The following ZC3H12B variants were observed in gnomAD, a reference collection of about 807,000 sequenced individuals.
ZC3H12B encodes the protein zinc finger CCCH-type containing 12B, also known as probable ribonuclease ZC3H12B.
In ZC3H12B, 7 loss-of-function variants were observed where a neutral mutation model predicts 43.9. The ratio of observed to expected loss-of-function variants is 0.16; its 90% confidence interval spans 0.09 to 0.30. ZC3H12B has a LOEUF of 0.30. ZC3H12B is among the 10% of genes least tolerant of loss of function. The pLI, the probability that ZC3H12B is intolerant of heterozygous loss-of-function variation, is 1.00. For missense variants in ZC3H12B, 475 were observed against 670.2 expected, an observed-to-expected ratio of 0.71 and a Z score of 3.22; for synonymous variants, 222 against 241.7, an observed-to-expected ratio of 0.92 and a Z score of 0.76.
chrX:65,071,353 T>C, the ZC3H12B span, among the ~76,000 whole-genome samples: 7 of 107,633 alleles, frequency 6.5e-5, no homozygotes, highest in Admixed American at 6.9e-4. Context: ...ATTGGTGTCA[T>C]TGTATGGAAG....
the ZC3H12B span, among the ~76,000 whole-genome samples, chrX:65,216,016 C>A: frequency 9.0e-6 from 1 of 111,180 alleles, no homozygotes; most frequent in East Asian, 2.8e-4. Flanking sequence ...TTTGTAGCAC[C>A]CATATAATTG....
At chrX:65,232,264 C>T in the ZC3H12B span, among the ~76,000 whole-genome samples, 2 of 110,135 alleles carry the variant, frequency 1.8e-5, no homozygotes, top group African/African-American at 6.6e-5. Flanking sequence ...AATAAAATAA[C>T]GTAGGACAGG....
the ZC3H12B span, among the ~76,000 whole-genome samples, chrX:65,336,451 A>C: frequency 1.8e-5 from 2 of 109,976 alleles, no homozygotes; most frequent in African/African-American, 6.6e-5. Context: ...AACATTTTCC[A>C]CTCCAGCCAG....
chrX:65,087,123 G>A, the ZC3H12B span, among the ~76,000 whole-genome samples: 2 of 110,325 alleles, frequency 1.8e-5, no homozygotes, highest in Non-Finnish European at 3.8e-5. Context: ...ATTTAGCTCC[G>A]ATACCCACAA....
the ZC3H12B span, among the ~76,000 whole-genome samples, chrX:65,058,480 G>C: frequency 1.8e-5 from 2 of 112,273 alleles, no homozygotes; most frequent in African/African-American, 3.2e-5. Flanking sequence ...GTGTCAGTCT[G>C]CCTGTACTCG....
At chrX:65,435,699 T>C (rs866591211) in intron 3 of ZC3H12B, among the ~76,000 whole-genome samples, 3 of 105,142 alleles carry the variant, frequency 2.9e-5, no homozygotes, top group African/African-American at 1.0e-4. Flanking sequence ...GATAGATAGA[T>C]AGACAGTCAG....
chrX:65,057,422 C>T, the ZC3H12B span, among the ~76,000 whole-genome samples: 1 of 112,038 alleles, frequency 8.9e-6, no homozygotes, highest in South Asian at 3.7e-4. Flanking sequence ...CCACTCTCTT[C>T]TGGCTTGTAG....
the ZC3H12B span, among the ~76,000 whole-genome samples, chrX:65,274,821 T>C: frequency 9.0e-6 from 1 of 110,935 alleles, no homozygotes; most frequent in Middle Eastern, 4.2e-3. Context: ...TTGCAGGAAG[T>C]CCCCCAGTCT....
At chrX:65,150,572 A>G in the ZC3H12B span, among the ~76,000 whole-genome samples, 1 of 109,645 alleles carries the variant, frequency 9.1e-6, no homozygotes, top group African/African-American at 3.3e-5. Context: ...CCCACTTATG[A>G]GTGAGAACAT....
intron 3 of ZC3H12B, among the ~76,000 whole-genome samples, chrX:65,409,431 G>A (rs575308718): frequency 5.4e-5 from 6 of 111,292 alleles, no homozygotes; most frequent in South Asian, 3.7e-4. Context: ...ACATAGTAGC[G>A]GAAGTCCTAG....
At chrX:65,431,660 T>A (rs1417171858) in intron 3 of ZC3H12B, among the ~76,000 whole-genome samples, 3 of 112,553 alleles carry the variant, frequency 2.7e-5, no homozygotes, top group African/African-American at 9.7e-5. Flanking sequence ...GGGCCACATC[T>A]TCACATTCTT....
At chrX:65,416,114 C>G (rs188987948) in intron 3 of ZC3H12B, among the ~76,000 whole-genome samples, 1 of 111,823 alleles carries the variant, frequency 8.9e-6, no homozygotes, top group South Asian at 3.7e-4. Context: ...AATTAACACC[C>G]ATGACCACAC....
the ZC3H12B span, among the ~76,000 whole-genome samples, chrX:65,266,635 T>A: frequency 9.0e-6 from 1 of 111,528 alleles, no homozygotes. Context: ...ACACCTTAGA[T>A]TAGTAGTGGC....
At chrX:65,174,638 G>C in the ZC3H12B span, among the ~76,000 whole-genome samples, 1 of 111,753 alleles carries the variant, frequency 8.9e-6, no homozygotes, top group Non-Finnish European at 1.9e-5. Context: ...GGTGAGTTCT[G>C]CCCAATCTGA....
chrX:65,104,530 A>G, the ZC3H12B span, among the ~76,000 whole-genome samples: 8 of 112,116 alleles, frequency 7.1e-5, no homozygotes. Flanking sequence ...AAGGTTTGAT[A>G]TCCAAAATCT....
chrX:65,043,290 T>C, the ZC3H12B span, among the ~76,000 whole-genome samples: 1 of 110,747 alleles, frequency 9.0e-6, no homozygotes, highest in Non-Finnish European at 1.9e-5. Context: ...GACACATGTA[T>C]GTTTCTTAAA....
chrX:65,217,554 C>T, the ZC3H12B span, among the ~76,000 whole-genome samples: 6 of 112,075 alleles, frequency 5.4e-5, no homozygotes, highest in Non-Finnish European at 9.4e-5. Flanking sequence ...GCTTGACAAA[C>T]ATCAAGATAA....
intron 3 of ZC3H12B, among the ~76,000 whole-genome samples, chrX:65,429,072 G>T (rs947958986): frequency 2.7e-5 from 3 of 111,890 alleles, no homozygotes; most frequent in Non-Finnish European, 3.8e-5. Context: ...TTCCTACCTG[G>T]TGGTATCACC....
the ZC3H12B span, among the ~76,000 whole-genome samples, chrX:65,044,726 A>G: frequency 9.0e-6 from 1 of 111,567 alleles, no homozygotes; most frequent in African/African-American, 3.3e-5. Context: ...AGAAATACAT[A>G]TGTACAGTCA....
Sources: gnomAD v4.1 joint callset for allele counts (sites outside exome capture counted in the v4.1 genomes callset) on GRCh38, gnomAD v4.1.1 for gene constraint, MANE v1.5 for transcripts, NCBI Gene and HGNC (gene_info 2026-07-23, HGNC 2026-07-21) for gene names.